The following NLGN4X variants were observed in gnomAD, a reference collection of about 807,000 sequenced individuals.
The protein encoded by NLGN4X is neuroligin-4, X-linked.
In NLGN4X, 3 loss-of-function variants were observed where a neutral mutation model predicts 40.3. That is an observed-to-expected ratio of 0.07 (90% CI 0.03 to 0.19). NLGN4X has a LOEUF of 0.19. Ranked by LOEUF, NLGN4X falls within the 10% of genes least tolerant of loss-of-function variation. NLGN4X has a pLI of 1.00. For synonymous variants in NLGN4X, 270 were observed against 306.8 expected, an observed-to-expected ratio of 0.88 and a Z score of 1.25; for missense variants, 382 against 708.3, an observed-to-expected ratio of 0.54 and a Z score of 5.23.
chrX:6,040,063 G>A (rs1012419239), intron 2 of NLGN4X, among the ~76,000 whole-genome samples: 7 of 110,883 alleles, frequency 6.3e-5, no homozygotes, highest in Middle Eastern at 9.2e-3. Context: ...TCAGCCTCCC[G>A]AGTAGCTGGG....
At chrX:5,897,689 T>C (rs2031578968) in intron 5 of NLGN4X, among the ~76,000 whole-genome samples, 1 of 111,934 alleles carries the variant, frequency 8.9e-6, no homozygotes, top group African/African-American at 3.3e-5. Flanking sequence ...GGCCCTGGCA[T>C]TCAATGATTT....
intron 3 of NLGN4X, among the ~76,000 whole-genome samples, chrX:6,014,837 C>T (rs761957106): frequency 2.7e-5 from 3 of 111,832 alleles, no homozygotes; most frequent in African/African-American, 9.7e-5. Flanking sequence ...GTGGCTCATG[C>T]TGACATCTCT....
At chrX:6,161,421 A>T (rs2040396455) in intron 1 of NLGN4X, among the ~76,000 whole-genome samples, 1 of 98,799 alleles carries the variant, frequency 1.0e-5, no homozygotes, top group Non-Finnish European at 2.0e-5. Context: ...ATAATATAGG[A>T]TATAAAATAT....
intron 3 of NLGN4X, among the ~76,000 whole-genome samples, chrX:5,935,509 A>G (rs1361132650): frequency 8.9e-6 from 1 of 112,378 alleles, no homozygotes; most frequent in South Asian, 3.7e-4. Context: ...TTGGGTGAAT[A>G]AAACTGTCCA....
chrX:5,964,118 G>A (rs2034748544), intron 3 of NLGN4X, among the ~76,000 whole-genome samples: 1 of 111,402 alleles, frequency 9.0e-6, no homozygotes, highest in Non-Finnish European at 1.9e-5. Flanking sequence ...GCCAGTCAGG[G>A]GTGGGTTATA....
At chrX:5,898,172 T>C (rs2031624947) in intron 5 of NLGN4X, among the ~76,000 whole-genome samples, 1 of 96,010 alleles carries the variant, frequency 1.0e-5, no homozygotes, top group African/African-American at 3.9e-5. Flanking sequence ...CTCCCTTTCT[T>C]CCTTTCACCT....
At chrX:5,967,186 A>G (rs1291547121) in intron 3 of NLGN4X, among the ~76,000 whole-genome samples, 2 of 111,833 alleles carry the variant, frequency 1.8e-5, no homozygotes, top group Non-Finnish European at 3.8e-5. Context: ...GATGCAATGT[A>G]GGTCTCACAT....
At chrX:6,049,023 T>A (rs1480150514) in intron 2 of NLGN4X, among the ~76,000 whole-genome samples, 1 of 103,909 alleles carries the variant, frequency 9.6e-6, no homozygotes, top group African/African-American at 3.5e-5. Flanking sequence ...AAAATAAAAT[T>A]TTAAAAAAGA....
intron 3 of NLGN4X, among the ~76,000 whole-genome samples, chrX:5,989,096 A>AT (rs1430895988): frequency 3.9e-5 from 4 of 101,441 alleles, no homozygotes; most frequent in South Asian, 3.9e-4. Context: ...AAAAAAATAA[A>AT]AAAAAAAATA....
chrX:6,121,181 T>C (rs866929332), intron 2 of NLGN4X, among the ~76,000 whole-genome samples: 10 of 104,790 alleles, frequency 9.5e-5, no homozygotes, highest in South Asian at 8.6e-4. Context: ...CACACACACA[T>C]ATATATCGCC....
intron 2 of NLGN4X, among the ~76,000 whole-genome samples, chrX:6,099,533 T>G (rs1449929571): frequency 1.8e-5 from 2 of 112,353 alleles, no homozygotes; most frequent in Non-Finnish European, 3.8e-5. Context: ...TATCTATGAC[T>G]AGGCATCAAC....
At chrX:6,137,773 G>A (rs1162815154) in intron 2 of NLGN4X, among the ~76,000 whole-genome samples, 1 of 112,060 alleles carries the variant, frequency 8.9e-6, no homozygotes, top group African/African-American at 3.2e-5. Context: ...CCCTAATGAT[G>A]AGCTCCATTA....
intron 3 of NLGN4X, among the ~76,000 whole-genome samples, chrX:5,939,249 T>G (rs2033835275): frequency 9.0e-6 from 1 of 110,786 alleles, no homozygotes; most frequent in African/African-American, 3.3e-5. Context: ...AAACACTGCA[T>G]GTGGAGGGAG....
chrX:6,033,763 C>T (rs1198197424), intron 2 of NLGN4X, among the ~76,000 whole-genome samples: 3 of 112,045 alleles, frequency 2.7e-5, no homozygotes, highest in African/African-American at 9.7e-5. Flanking sequence ...GCACAGAGCA[C>T]CATTTTGGTT....
chrX:6,135,189 G>A (rs777482192), intron 2 of NLGN4X, among the ~76,000 whole-genome samples: 1 of 111,677 alleles, frequency 9.0e-6, no homozygotes, highest in South Asian at 3.7e-4. Context: ...CCAGACCCAG[G>A]AGTGTCCCAG....
intron 3 of NLGN4X, among the ~76,000 whole-genome samples, chrX:5,937,367 T>C (rs188921920): frequency 6.6e-4 from 73 of 111,347 alleles, no homozygotes; most frequent in African/African-American, 2.2e-3. Flanking sequence ...ATTTCTGAAT[T>C]GAGAAGTGAC....
At position 5,892,539 on chromosome X, in the gene NLGN4X, G is replaced by A. The variant is rs1327824542; in HGVS notation, c.*278C>T. ...GTCCTATCACACTAAACATCGATTG[G>A]AGTGGTAGAGATCTTAAAGCAGTTA... On this transcript the variant is annotated 3_prime_UTR_variant, in exon 6 of 6. Transcript: ENST00000381095. 34 of 351,320 alleles carry A rather than the reference G, an allele frequency of 9.7e-5. No individual in the cohort carries two copies. The highest frequency in any genetic ancestry group is 1.5e-4 in the Non-Finnish European group (29 of 198,977). The allele number at this position is 351,320 out of a possible 1,213,427, so 29.0% of individuals were successfully genotyped here.
intron 3 of NLGN4X, among the ~76,000 whole-genome samples, chrX:5,917,338 C>T (rs2032851248): frequency 8.9e-6 from 1 of 112,489 alleles, no homozygotes; most frequent in African/African-American, 3.2e-5. Context: ...CCAATGTGGG[C>T]CCCTTTCCAA....
intron 3 of NLGN4X, among the ~76,000 whole-genome samples, chrX:6,013,921 G>A (rs2036320551): frequency 9.1e-6 from 1 of 110,466 alleles, no homozygotes; most frequent in African/African-American, 3.3e-5. Flanking sequence ...GGTGACTCAC[G>A]CCTGTAATCC....
Sources: gnomAD v4.1 joint callset for allele counts (sites outside exome capture counted in the v4.1 genomes callset) on GRCh38, gnomAD v4.1.1 for gene constraint, MANE v1.5 for transcripts, NCBI Gene and HGNC (gene_info 2026-07-23, HGNC 2026-07-21) for gene names.